Variants in CEP128 observed in about 807,000 individuals in gnomAD.
CEP128 encodes the protein centrosomal protein 128kDa.
Under a neutral mutation model 156.7 loss-of-function variants are expected in CEP128, and 132 were observed. That is an observed-to-expected ratio of 0.84 (90% CI 0.73 to 0.97). CEP128 has a LOEUF of 0.97. CEP128 is among the 50% of genes least tolerant of loss of function. CEP128 has a pLI of 0.00. For missense variants in CEP128, 1,252 were observed against 1,281.9 expected (o/e 0.98, Z 0.36); for synonymous variants, 469 against 448.9 (o/e 1.04, Z -0.57).
intron 8 of CEP128, among the ~76,000 whole-genome samples, chr14:80,870,530 T>A (rs563199913): frequency 6.6e-6 from 1 of 152,188 alleles, no homozygotes; most frequent in South Asian, 2.1e-4. Flanking sequence ...GCATTTAATA[T>A]AATTCAACAT....
At chr14:80,890,005 T>C (rs1463502278) in intron 8 of CEP128, among the ~76,000 whole-genome samples, 1 of 152,136 alleles carries the variant, frequency 6.6e-6, no homozygotes, top group East Asian at 1.9e-4. Flanking sequence ...GGCATTTATG[T>C]GGTCAACAAT....
chr14:80,551,392 T>G (rs1271755022), intron 21 of CEP128, among the ~76,000 whole-genome samples: 1 of 152,218 alleles, frequency 6.6e-6, no homozygotes, highest in Non-Finnish European at 1.5e-5. Flanking sequence ...TATATTTATC[T>G]TAGCATTAAA....
At chr14:80,648,065 T>C (rs557076922) in intron 19 of CEP128, among the ~76,000 whole-genome samples, 11 of 152,268 alleles carry the variant, frequency 7.2e-5, no homozygotes, top group African/African-American at 2.6e-4. Context: ...TTGGTCCTGA[T>C]GAATTATTTT....
At chr14:80,657,994 C>T (rs1049619531) in intron 19 of CEP128, among the ~76,000 whole-genome samples, 90 of 146,176 alleles carry the variant, frequency 6.2e-4, no homozygotes, top group African/African-American at 2.2e-3. Flanking sequence ...TATTCTACCT[C>T]GGTGACAGCG....
At chr14:80,628,225 T>G (rs1893813034) in intron 19 of CEP128, among the ~76,000 whole-genome samples, 3 of 152,214 alleles carry the variant, frequency 2.0e-5, no homozygotes, top group Admixed American at 2.0e-4. Flanking sequence ...ATGCATCTGT[T>G]ATCCTAAATA....
At chr14:80,525,482 T>C (rs1215761954) in intron 23 of CEP128, among the ~76,000 whole-genome samples, 2 of 152,200 alleles carry the variant, frequency 1.3e-5, no homozygotes, top group East Asian at 1.9e-4. Flanking sequence ...TTGTGGTTTG[T>C]TCTAAAATAT....
rs73340175 is a variant in CEP128, at chr14:80,850,878, T to A, written c.763-10110A>T. ...TAGTTTGAAAACCAGCAACCCACTA[T>A]ACGAAAATGTTATTTTTATAGAGTT... On this transcript the variant is annotated intron_variant, in intron 9 of 24. Coordinates refer to ENST00000555265, the MANE Select transcript of CEP128 (RefSeq NM_152446.5). 8.0e-3 allele frequency among the ~76,000 whole-genome samples: 1,219 copies of A among 152,306 alleles called. 16 individuals are homozygous for A. Among genetic ancestry groups the A allele is most frequent in the African/African-American group, 0.027 (1,111 of 41,564 alleles).
chr14:80,520,993 T>A (rs1356745942), intron 23 of CEP128, among the ~76,000 whole-genome samples: 1 of 138,052 alleles, frequency 7.2e-6, no homozygotes, highest in Non-Finnish European at 1.5e-5. Flanking sequence ...CAGCTAATTT[T>A]TTTTTTTTTT....
At chr14:80,908,799 A>G (rs750512523) in intron 4 of CEP128, among the ~76,000 whole-genome samples, 1 of 152,168 alleles carries the variant, frequency 6.6e-6, no homozygotes, top group African/African-American at 2.4e-5. Flanking sequence ...TTCTAATAGA[A>G]AGTCAGGTTA....
intron 19 of CEP128, among the ~76,000 whole-genome samples, chr14:80,600,479 A>G (rs1334818767): frequency 2.0e-5 from 3 of 152,254 alleles, no homozygotes; most frequent in Admixed American, 2.0e-4. Flanking sequence ...AAACAGAAAA[A>G]AGAGAGAGAA....
At chr14:80,483,802 T>C (rs988353351) in intron 14 of CEP128, among the ~76,000 whole-genome samples, 1 of 152,204 alleles carries the variant, frequency 6.6e-6, no homozygotes, top group Non-Finnish European at 1.5e-5. Context: ...TAATCATGTT[T>C]GTAGAAGCTA....
intron 7 of CEP128, among the ~76,000 whole-genome samples, chr14:80,898,665 T>C (rs1191340276): frequency 6.6e-6 from 1 of 152,236 alleles, no homozygotes; most frequent in Non-Finnish European, 1.5e-5. Context: ...ATAATGGTCA[T>C]GTAATAAAGC....
At chr14:80,872,499 C>A (rs1888077393) in intron 8 of CEP128, among the ~76,000 whole-genome samples, 1 of 152,072 alleles carries the variant, frequency 6.6e-6, no homozygotes, top group African/African-American at 2.4e-5. Flanking sequence ...TGAGAAAATG[C>A]ATGATAAACA....
At chr14:80,852,062 G>T (rs1390318856) in intron 9 of CEP128, among the ~76,000 whole-genome samples, 1 of 151,970 alleles carries the variant, frequency 6.6e-6, no homozygotes, top group Non-Finnish European at 1.5e-5. Flanking sequence ...ATTCACAAAT[G>T]ACCTATTAAA....
At chr14:80,917,497 T>C (rs760239536) in intron 2 of CEP128, among the ~76,000 whole-genome samples, 3 of 152,218 alleles carry the variant, frequency 2.0e-5, no homozygotes, top group Admixed American at 6.5e-5. Flanking sequence ...TGCTGGCTGA[T>C]TAAATATAGT....
intron 21 of CEP128, among the ~76,000 whole-genome samples, chr14:80,534,577 A>C (rs192239653): frequency 3.0e-4 from 46 of 152,288 alleles, no homozygotes; most frequent in African/African-American, 9.4e-4. Context: ...TGTAATCCCA[A>C]CACTTTGGGA....
intron 19 of CEP128, among the ~76,000 whole-genome samples, chr14:80,590,215 T>C (rs1437475277): frequency 6.6e-6 from 1 of 152,086 alleles, no homozygotes; most frequent in African/African-American, 2.4e-5. Flanking sequence ...CCTGAAAATT[T>C]CCAAATTTTC....
intron 23 of CEP128, among the ~76,000 whole-genome samples, chr14:80,518,167 C>G (rs1242231705): frequency 6.7e-6 from 1 of 149,848 alleles, no homozygotes; most frequent in African/African-American, 2.5e-5. Flanking sequence ...TTGTCCCTCC[C>G]TCTGTGCTCT....
At chr14:80,837,102 A>G (rs1017622106) in intron 11 of CEP128, among the ~76,000 whole-genome samples, 2 of 152,226 alleles carry the variant, frequency 1.3e-5, no homozygotes, top group African/African-American at 4.8e-5. Context: ...AAGTCAGCGA[A>G]TATTTTCAAA....
Sources: gnomAD v4.1 joint callset for allele counts (sites outside exome capture counted in the v4.1 genomes callset) on GRCh38, gnomAD v4.1.1 for gene constraint, MANE v1.5 for transcripts, NCBI Gene and HGNC (gene_info 2026-07-23, HGNC 2026-07-21) for gene names.